Variants in CIT observed in about 807,000 individuals in gnomAD.
CIT encodes the protein citron Rho-interacting kinase.
CIT carries 79 observed loss-of-function variants against 272.7 expected under a neutral mutation model. The ratio of observed to expected loss-of-function variants is 0.29; its 90% CI spans 0.24 to 0.35. The LOEUF (loss-of-function observed/expected upper bound fraction) is 0.35, where lower values mean the gene tolerates loss of function less well. Ranked by LOEUF, CIT falls within the 10% of genes least tolerant of loss-of-function variation. The pLI, the probability that CIT is intolerant of heterozygous loss-of-function variation, is 1.00. For missense variants in CIT, 1,909 were observed against 2,618.3 expected (o/e 0.73, Z 5.91); for synonymous variants, 948 against 995.6 (o/e 0.95, Z 0.90).
intron 9 of CIT, among the ~76,000 whole-genome samples, chr12:119,810,840 C>T (rs902054741): frequency 2.6e-5 from 4 of 152,122 alleles, no homozygotes; most frequent in South Asian, 2.1e-4. Context: ...TATCCCATAT[C>T]GAAGTCTCAT....
rs375122380 is a variant in CIT, at chr12:119,694,102, A to G, written c.5882+3557T>C. Among the ~76,000 whole-genome samples, 29 of 152,182 alleles carry G rather than the reference A, an allele frequency of 1.9e-4. No homozygotes were observed. Among genetic ancestry groups the G allele is most frequent in the African/African-American group, 6.5e-4 (27 of 41,438 alleles). On this transcript the variant is annotated intron_variant, in intron 46 of 47. Transcript: ENST00000392521. The surrounding 1 kb of genome is among the most constrained non-coding windows in gnomAD (Gnocchi z 4.5). Reference sequence around the variant, plus strand: ...CCTCGAGCTGGATCTAGCTCCTAGCACTGTGTCAAGACGAGGCCAGTCCCA... The same window carrying G: ...CCTCGAGCTGGATCTAGCTCCTAGCGCTGTGTCAAGACGAGGCCAGTCCCA...
intron 4 of CIT, among the ~76,000 whole-genome samples, chr12:119,856,065 T>C (rs1278788474): frequency 1.3e-5 from 2 of 152,224 alleles, no homozygotes; most frequent in African/African-American, 4.8e-5. Flanking sequence ...TGTGCTCACA[T>C]TTTATTGCTA....
intron 9 of CIT, among the ~76,000 whole-genome samples, chr12:119,817,468 C>T (rs1967296751): frequency 6.6e-6 from 1 of 151,842 alleles, no homozygotes. Context: ...GCCGAGATCA[C>T]GCCACTGCAC....
chr12:119,740,759 A>T (rs1315428185), intron 24 of CIT, among the ~76,000 whole-genome samples: 6 of 152,234 alleles, frequency 3.9e-5, no homozygotes, highest in Non-Finnish European at 8.8e-5. Flanking sequence ...ATTCTTGTGT[A>T]AAATAAGAAA....
In CIT at chr12:119,770,954, C is replaced by T. The variant is rs1256823338; in HGVS notation, c.2083-44G>A. 6 of 1,609,038 alleles carry T rather than the reference C, an allele frequency of 3.7e-6. No homozygotes were observed. In the Admixed American group the frequency reaches 5.0e-5, roughly 13 times the overall value. On this transcript the variant is annotated intron_variant, in intron 17 of 47. Coordinates refer to ENST00000392521, the MANE Select transcript of CIT (RefSeq NM_001206999.2). This position sits in a 1 kb window ranked among gnomAD's most constrained non-coding sequence, Gnocchi z 4.4. ...TCAGAGAGTTTTAATGGAGTAACCG[C>T]TATGGGCATAACACCTGCACCGAGG...
intron 4 of CIT, among the ~76,000 whole-genome samples, chr12:119,855,601 C>G (rs1970535437): frequency 6.6e-6 from 1 of 152,020 alleles, no homozygotes; most frequent in African/African-American, 2.4e-5. Flanking sequence ...GCTGGCTTCT[C>G]TCATGCCCTT....
intron 13 of CIT, among the ~76,000 whole-genome samples, chr12:119,779,369 A>C (rs1490439038): frequency 6.6e-6 from 1 of 152,170 alleles, no homozygotes; most frequent in Non-Finnish European, 1.5e-5. Flanking sequence ...CTCCATAAAA[A>C]TTAAAATTAA....
intron 19 of CIT, among the ~76,000 whole-genome samples, chr12:119,762,422 A>G (rs1049862114): frequency 6.6e-6 from 1 of 152,182 alleles, no homozygotes; most frequent in African/African-American, 2.4e-5. Flanking sequence ...TTATTACTAA[A>G]ATGGCCTGAC....
intron 17 of CIT, 152 bp downstream of exon 17, chr12:119,772,618 A>C: frequency 1.3e-6 from 1 of 781,808 alleles, no homozygotes; most frequent in Non-Finnish European, 1.9e-6. Flanking sequence ...CCTGGGGGGA[A>C]ATGATTCCCA....
intron 46 of CIT, among the ~76,000 whole-genome samples, chr12:119,691,030 G>A (rs1015277999): frequency 6.6e-6 from 1 of 152,046 alleles, no homozygotes; most frequent in Non-Finnish European, 1.5e-5. Context: ...AAATTAGCCG[G>A]GCGTGTTGGC....
At chr12:119,809,381 T>C (rs1297659836) in intron 9 of CIT, among the ~76,000 whole-genome samples, 1 of 152,170 alleles carries the variant, frequency 6.6e-6, no homozygotes, top group Non-Finnish European at 1.5e-5. Context: ...ACTAAGGAAA[T>C]GATAACAGAA....
chr12:119,745,003 C>T (rs1192985670), intron 23 of CIT, among the ~76,000 whole-genome samples: 1 of 151,484 alleles, frequency 6.6e-6, no homozygotes, highest in African/African-American at 2.4e-5. Flanking sequence ...AACATACATG[C>T]AATTAGAGAC....
chr12:119,778,116 T>C (rs1963951391), intron 13 of CIT, among the ~76,000 whole-genome samples: 1 of 152,184 alleles, frequency 6.6e-6, no homozygotes, highest in African/African-American at 2.4e-5. Context: ...CACAAAACAC[T>C]GGCTTCGGTC....
chr12:119,772,326 T>C (rs1963252544), intron 17 of CIT, among the ~76,000 whole-genome samples: 2 of 152,112 alleles, frequency 1.3e-5, no homozygotes, highest in Non-Finnish European at 2.9e-5. Flanking sequence ...AACAAAGAAT[T>C]TGAAGTAGAC....
intron 2 of CIT, among the ~76,000 whole-genome samples, chr12:119,871,976 T>G (rs1950692164): frequency 6.6e-6 from 1 of 152,240 alleles, no homozygotes; most frequent in South Asian, 2.1e-4. Context: ...TCTTCTATTC[T>G]TCAAGAGTTT....
rs1966457203 is a variant in CIT at position 119,804,306 on chromosome 12, C to G, written c.1112-917G>C. The G allele has an allele frequency of 3.0e-6, 3 of 985,420 alleles. No homozygotes were observed. The highest frequency in any genetic ancestry group is 3.6e-6 in the Non-Finnish European group (3 of 830,034). 61.0% of individuals were successfully genotyped at this position (985,420 alleles called of 1,614,324 possible). ...CATCGCGGTGGGCTCCCGGGGGTGT[C>G]CCCCGCCAGAAACGTTACCATGGTT... On this transcript the variant is annotated intron_variant, in intron 9 of 47. Coordinates refer to ENST00000392521, the MANE Select transcript of CIT (RefSeq NM_001206999.2). The surrounding 1 kb of genome is among the most constrained non-coding windows in gnomAD (Gnocchi z 5.3).
In CIT at chr12:119,784,905, A is replaced by G; in HGVS notation, c.1401+55T>C. On this transcript the variant is annotated intron_variant, in intron 11 of 47. Transcript: ENST00000392521. This position sits in a 1 kb window ranked among gnomAD's most constrained non-coding sequence, Gnocchi z 4.7. ...CGGCCCCGGGCGGATCCCTTGGCAT[A>G]TACGGACGGGAGGATCCTGGAGCAA... 1 of 1,601,426 alleles carries G rather than the reference A, an allele frequency of 6.2e-7. No individual in the cohort carries two copies. Among genetic ancestry groups the G allele is most frequent in the East Asian group, 2.2e-5 (1 of 44,662 alleles).
At chr12:119,861,847 G>A (rs1437747049) in intron 3 of CIT, among the ~76,000 whole-genome samples, 1 of 152,092 alleles carries the variant, frequency 6.6e-6, no homozygotes, top group Non-Finnish European at 1.5e-5. Context: ...ACCACCTAAA[G>A]GTTCATCAAC....
intron 44 of CIT, among the ~76,000 whole-genome samples, chr12:119,699,550 G>C (rs976672857): frequency 6.6e-6 from 1 of 152,220 alleles, no homozygotes. Flanking sequence ...CCAGTAGAGC[G>C]TGGTGGAAGT....
Sources: allele counts gnomAD v4.1 joint callset (sites outside exome capture counted in the v4.1 genomes callset), GRCh38; gene constraint gnomAD v4.1.1; non-coding constraint Gnocchi (gnomAD v3.1); transcripts MANE v1.5; gene names NCBI Gene and HGNC (gene_info 2026-07-23, HGNC 2026-07-21).